Variants in RNF41 observed in about 807,000 individuals in gnomAD.
RNF41 encodes E3 ubiquitin-protein ligase NRDP1.
Under a neutral mutation model 33.0 loss-of-function variants are expected in RNF41, and 4 were observed. That is an observed-to-expected ratio of 0.12 (90% CI 0.06 to 0.28). The LOEUF (loss-of-function observed/expected upper bound fraction) is 0.28. Among genes scored for constraint, RNF41 ranks in the 10% least tolerant of loss-of-function variants. RNF41 has a pLI of 1.00. For missense variants in RNF41, 228 were observed against 432.6 expected, an observed-to-expected ratio of 0.53 and a Z score of 4.19; for synonymous variants, 164 against 153.2, an observed-to-expected ratio of 1.07 and a Z score of -0.52.
At position 56,205,239 on chromosome 12, in the gene RNF41, T is replaced by C. The variant is rs986820035; in HGVS notation, c.*1208A>G. ...GAGGGCACAGGCATCGATGCTGGAC[T>C]GTCATATCCTTCACAGGAAGAGAGG... On this transcript the variant is annotated 3_prime_UTR_variant, in exon 7 of 7. Transcript: ENST00000345093. 2 of 152,218 alleles carry C rather than the reference T, an allele frequency of 1.3e-5. No individual in the cohort carries two copies. Among genetic ancestry groups the C allele is most frequent in the Non-Finnish European group, 2.9e-5 (2 of 68,060 alleles). 9.4% of individuals were successfully genotyped at this position (152,218 alleles called of 1,614,324 possible). A position where few individuals can be genotyped will look rare whatever the true frequency, so the allele number is the denominator to read the frequency against.
At chr12:56,208,535 A>G (rs1868322378) in intron 4 of RNF41, 2 of 354,272 alleles carry the variant, frequency 5.6e-6, no homozygotes, top group Admixed American at 4.4e-5. Flanking sequence ...ACAGTGTTTT[A>G]TCTATTTTTT....
chr12:56,207,122 G>A, intron 6 of RNF41: 1 of 1,311,160 alleles, frequency 7.6e-7, no homozygotes, highest in Non-Finnish European at 9.8e-7. Context: ...TCTATCCTAT[G>A]TCCCACTCAG....
At position 56,202,966 on chromosome 12, in the gene RNF41, T is replaced by C. The variant is rs890999337; in HGVS notation, c.*3481A>G. 6.6e-6 allele frequency: 1 copy of C among 151,916 alleles called. No homozygotes were observed. The highest frequency in any genetic ancestry group is 6.6e-5 in the Admixed American group (1 of 15,164). The allele number at this position is 151,916 out of a possible 1,614,324, so 9.4% of individuals were successfully genotyped here. ...GCACTGCTAATGTCACTAGGATACA[T>C]ACATTGCCTCTTATGCTCTATACTG... On this transcript the variant is annotated 3_prime_UTR_variant, in exon 7 of 7. Coordinates refer to ENST00000345093, the MANE Select transcript of RNF41 (RefSeq NM_005785.4).
chr12:56,204,792 C>G lies in RNF41; in HGVS notation c.*1655G>C, dbSNP rs868368901. On this transcript the variant is annotated 3_prime_UTR_variant, in exon 7 of 7. Coordinates refer to ENST00000345093, the MANE Select transcript of RNF41 (RefSeq NM_005785.4). ...CCCTACTCCCCTCAAGCTTTCCACC[C>G]CAATCCCAGTGGAGCCATGATCCAA... is the stretch of plus-strand genomic sequence containing the variant. The G allele has an allele frequency of 1.3e-5, 2 of 152,708 alleles. No individual in the cohort carries two copies. Among genetic ancestry groups the G allele is most frequent in the East Asian group, 3.9e-4 (2 of 5,194 alleles). 9.5% of individuals were successfully genotyped at this position (152,708 alleles called of 1,614,324 possible).
rs555090802 is a variant in RNF41, at chr12:56,216,868, T to C, written c.-208-255A>G. Among the ~76,000 whole-genome samples, 86 of 152,022 alleles carry C rather than the reference T, an allele frequency of 5.7e-4. No homozygotes were observed. In the South Asian group the frequency reaches 6.4e-3, roughly 11 times the overall value. On this transcript the variant is annotated intron_variant, in intron 1 of 6. Coordinates refer to ENST00000345093, the MANE Select transcript of RNF41 (RefSeq NM_005785.4). ...AGAAAAGGACAAGAGAGGCCGGGCG[T>C]GGTGGCTCACGCCTGTAATCCCAGC...
rs1163321428 is a variant in RNF41, at chr12:56,206,713, T to C, written c.688A>G (p.Lys230Glu). The C allele has an allele frequency of 1.2e-6, 2 of 1,614,014 alleles. No homozygotes were observed. The highest frequency in any genetic ancestry group is 2.7e-5 in the African/African-American group (2 of 74,906). The part of the protein sequence containing the change: ...TPDAVLQAVI[K>E]RSLVESGCPA... ...CAGCCACTCTCCACCAGGGAGCGCT[T>C]GATTACAGCCTGGAGCACAGCATCA... is the stretch of plus-strand genomic sequence containing the variant. The change falls in exon 7 of 7, where the codon AAG becomes GAG. Residue 230 changes from lysine to glutamate, a missense_variant. By Grantham distance (56) the Lys-to-Glu change is moderately conservative (BLOSUM62 1). This residue lies in a region of RNF41 where 199 missense variants were observed against 334.6 expected (regional missense o/e 0.59). Transcript: ENST00000345093. The surrounding 1 kb of genome is among the most constrained non-coding windows in gnomAD (Gnocchi z 5.7).
At chr12:56,218,597 A>C (rs1869088608) in intron 1 of RNF41, among the ~76,000 whole-genome samples, 1 of 151,658 alleles carries the variant, frequency 6.6e-6, no homozygotes, top group South Asian at 2.1e-4. Flanking sequence ...AAGTCAAGTA[A>C]CCCTGCTGTA....
Position 56,221,859 on chromosome 12 carries a change from G to C in RNF41, c.-308C>G, listed in dbSNP as rs1038375674. 1.3e-5 allele frequency: 2 copies of C among 152,430 alleles called. No individual in the cohort carries two copies. The highest frequency in any genetic ancestry group is 4.8e-5 in the African/African-American group (2 of 41,432). The allele number at this position is 152,430 out of a possible 1,614,324, so 9.4% of individuals were successfully genotyped here. ...CTGGTGCCGGGTCCCAGCCTCTCCCGGGAAGGGAAGGGAAAGGGGAAGGAG... is the reference window on the plus strand; with the variant it reads ...CTGGTGCCGGGTCCCAGCCTCTCCCCGGAAGGGAAGGGAAAGGGGAAGGAG... On this transcript the variant is annotated 5_prime_UTR_variant, in exon 1 of 7. Transcript: ENST00000345093.
intron 4 of RNF41, 31 bp downstream of exon 4, chr12:56,210,266 T>A: frequency 1.9e-6 from 3 of 1,602,020 alleles, no homozygotes; most frequent in Non-Finnish European, 1.7e-6. Flanking sequence ...ATGGCCCTTA[T>A]CCATGTGGGG....
intron 3 of RNF41, 114 bp from the exon 4 acceptor site, chr12:56,210,682 A>C (rs1424161898): frequency 9.9e-7 from 1 of 1,014,142 alleles, no homozygotes; most frequent in Non-Finnish European, 1.5e-6. Context: ...CTACGACAAG[A>C]GGTCCACTGG....
At chr12:56,211,406 G>C (rs980344548) in intron 3 of RNF41, among the ~76,000 whole-genome samples, 4 of 151,760 alleles carry the variant, frequency 2.6e-5, no homozygotes. Flanking sequence ...TGTGAAACAA[G>C]ACAAACAAGT....
At chr12:56,211,791 C>T (rs563465336) in intron 3 of RNF41, among the ~76,000 whole-genome samples, 33 of 150,998 alleles carry the variant, frequency 2.2e-4, no homozygotes, top group African/African-American at 7.8e-4. Flanking sequence ...GCTAACATAG[C>T]GAAACCCTGT....
chr12:56,217,212 C>A (rs1259397098), intron 1 of RNF41, among the ~76,000 whole-genome samples: 1 of 151,000 alleles, frequency 6.6e-6, no homozygotes, highest in Non-Finnish European at 1.5e-5. Flanking sequence ...TTATTCAGTG[C>A]ACATAACTAC....
In RNF41 at chr12:56,206,739, G is replaced by A; in HGVS notation, c.662C>T (p.Pro221Leu). The change falls in exon 7 of 7, where the codon CCT (proline) becomes CTT (leucine). Residue 221 changes from proline to leucine, a missense_variant. By Grantham distance (98) the Pro-to-Leu change is moderately conservative (BLOSUM62 -3). Coordinates refer to ENST00000345093, the MANE Select transcript of RNF41 (RefSeq NM_005785.4). The surrounding 1 kb of genome is among the most constrained non-coding windows in gnomAD (Gnocchi z 5.7). ...VTRWGGMISTPDAVLQAVIKR... is the reference protein window; with the variant it reads ...VTRWGGMISTLDAVLQAVIKR... ...GATTACAGCCTGGAGCACAGCATCA[G>A]GAGTCGAGATCATCCCTCCCCAGCG... is the stretch of plus-strand genomic sequence containing the variant. The A allele has an allele frequency of 6.2e-7, 1 of 1,614,182 alleles. No homozygotes were observed. The highest frequency in any genetic ancestry group is 8.5e-7 in the Non-Finnish European group (1 of 1,180,032).
rs149142313 is a variant in RNF41 at position 56,207,849 on chromosome 12, C to T, written c.499-100G>A. The T allele has an allele frequency of 7.3e-4, 707 of 964,748 alleles. 8 individuals carry two copies. The highest frequency in any genetic ancestry group is 3.2e-5 in the Non-Finnish European group (19 of 592,116). 59.8% of individuals were successfully genotyped at this position (964,748 alleles called of 1,614,324 possible). ...GAGGGCAACTGAGAGATCTGAAGAA[C>T]AACCAGTTTGTAAGCTTCAGGAAGA... On this transcript the variant is annotated intron_variant, in intron 5 of 6. Transcript: ENST00000345093.
rs753966787 is a variant in RNF41, at chr12:56,207,763, G to T, written c.499-14C>A. On this transcript the variant is annotated splice_polypyrimidine_tract_variant and intron_variant, in intron 5 of 6. Coordinates refer to ENST00000345093, the MANE Select transcript of RNF41 (RefSeq NM_005785.4). ...GATGTCTCGCTTCTGTTGTGGGGAA[G>T]AAGAACAGGAATAATGGTTAAGGCA... 1 of 1,596,052 alleles carries T rather than the reference G, an allele frequency of 6.3e-7. No individual in the cohort carries two copies. The highest frequency in any genetic ancestry group is 1.1e-5 in the South Asian group (1 of 90,704).
intron 2 of RNF41, among the ~76,000 whole-genome samples, chr12:56,215,219 G>C (rs1868783759): frequency 6.6e-6 from 1 of 152,204 alleles, no homozygotes; most frequent in Non-Finnish European, 1.5e-5. Context: ...GCAAGCAAGG[G>C]CCATGCTGTG....
chr12:56,209,505 T>C (rs1336156583), intron 4 of RNF41, among the ~76,000 whole-genome samples: 3 of 151,288 alleles, frequency 2.0e-5, no homozygotes, highest in Non-Finnish European at 4.4e-5. Flanking sequence ...TTGCCCAGGC[T>C]GGAGTGCAGT....
At position 56,216,584 on chromosome 12, in the gene RNF41, G is replaced by A. The variant is rs1868908393; in HGVS notation, c.-179C>T. The A allele has an allele frequency of 6.6e-6, 1 of 152,218 alleles. No homozygotes were observed. The highest frequency in any genetic ancestry group is 2.4e-5 in the African/African-American group (1 of 41,448). 9.4% of individuals were successfully genotyped at this position (152,218 alleles called of 1,614,324 possible). On this transcript the variant is annotated 5_prime_UTR_variant, in exon 2 of 7. Transcript: ENST00000345093. ...CAGTGACAAGCTCCATCGCCCAGGG[G>A]ATGAATGTGATGTCACAATCAGGAG...
Sources: gnomAD v4.1 joint callset for allele counts (sites outside exome capture counted in the v4.1 genomes callset) on GRCh38, gnomAD v4.1.1 for gene constraint, gnomAD v4.1.1 regional missense constraint, Gnocchi (gnomAD v3.1) non-coding constraint, MANE v1.5 for transcripts, NCBI Gene and HGNC (gene_info 2026-07-23, HGNC 2026-07-21) for gene names.